Variants in SYNE2 observed in about 807,000 individuals in gnomAD.
SYNE2 encodes spectrin repeat containing nuclear envelope protein 2.
SYNE2 carries 431 observed loss-of-function variants against 856.3 expected under a neutral mutation model. That is an observed-to-expected ratio of 0.50 (90% CI 0.47 to 0.55). The LOEUF (loss-of-function observed/expected upper bound fraction) is 0.55, where lower values mean the gene tolerates loss of function less well. SYNE2 is among the 20% of genes least tolerant of loss of function. The pLI is 0.00. For missense variants in SYNE2, 8,129 were observed against 8,023.2 expected (o/e 1.01, Z -0.50); for synonymous variants, 2,923 against 2,872.3 (o/e 1.02, Z -0.56).
chr14:64,068,138 A>G (rs1229543297), intron 51 of SYNE2, among the ~76,000 whole-genome samples: 1 of 152,156 alleles, frequency 6.6e-6, no homozygotes, highest in Non-Finnish European at 1.5e-5. Flanking sequence ...TTTGGCAACT[A>G]TTTTACTGAT....
At chr14:63,965,345 C>G (rs2096376567) in intron 10 of SYNE2, among the ~76,000 whole-genome samples, 1 of 152,050 alleles carries the variant, frequency 6.6e-6, no homozygotes, top group South Asian at 2.1e-4. Context: ...TGGTATTATC[C>G]CAGTTTTACA....
chr14:64,189,811 ACAG>A (rs1417853434), intron 98 of SYNE2, among the ~76,000 whole-genome samples: 1 of 152,070 alleles, frequency 6.6e-6, no homozygotes, highest in African/African-American at 2.4e-5. Flanking sequence ...AGCTGGGACT[ACAG>A]ACATGTGCCA....
chr14:63,923,876 G>T (rs2095629410), intron 2 of SYNE2, among the ~76,000 whole-genome samples: 1 of 151,522 alleles, frequency 6.6e-6, no homozygotes, highest in African/African-American at 2.4e-5. Context: ...TCAGCTCACT[G>T]CAATCTCTGC....
At chr14:63,977,434 A>G (rs1437162186) in intron 12 of SYNE2, among the ~76,000 whole-genome samples, 3 of 152,002 alleles carry the variant, frequency 2.0e-5, no homozygotes, top group African/African-American at 7.2e-5. Context: ...GGATGGTCTC[A>G]AGCTCCTGAC....
intron 1 of SYNE2, among the ~76,000 whole-genome samples, chr14:63,876,717 A>G (rs932326538): frequency 6.6e-6 from 1 of 152,034 alleles, no homozygotes; most frequent in Non-Finnish European, 1.5e-5. Context: ...CGATCTCCTG[A>G]CCTTGTGATC....
intron 1 of SYNE2, among the ~76,000 whole-genome samples, chr14:63,814,669 C>CATATATATCCATATATATCCAT (rs1366670340): frequency 9.0e-5 from 5 of 55,714 alleles, no homozygotes; most frequent in African/African-American, 1.7e-4. Context: ...TATATATATC[C>CATATATATCCATATATATCCAT]ATATATATCC....
At chr14:64,003,597 T>C (rs560985168) in intron 30 of SYNE2, among the ~76,000 whole-genome samples, 3 of 152,362 alleles carry the variant, frequency 2.0e-5, no homozygotes, top group African/African-American at 4.8e-5. Flanking sequence ...CATAAAGTAC[T>C]GTACATGAGT....
At chr14:63,876,813 G>C (rs2094733682) in intron 1 of SYNE2, among the ~76,000 whole-genome samples, 1 of 152,116 alleles carries the variant, frequency 6.6e-6, no homozygotes, top group South Asian at 2.1e-4. Context: ...TAACTGCATT[G>C]CTAATCGTAT....
chr14:64,119,736 C>T, intron 67 of SYNE2, 127 bp downstream of exon 67: 1 of 895,500 alleles, frequency 1.1e-6, no homozygotes, highest in Non-Finnish European at 1.7e-6. Flanking sequence ...AAGAATTTCA[C>T]ACATTAACAC....
At chr14:64,138,799 TA>T (rs1433221716) in intron 79 of SYNE2, among the ~76,000 whole-genome samples, 3 of 152,142 alleles carry the variant, frequency 2.0e-5, no homozygotes, top group Non-Finnish European at 4.4e-5. Flanking sequence ...TAAGGCAGTT[TA>T]AAAGTTACAA....
intron 1 of SYNE2, among the ~76,000 whole-genome samples, chr14:63,847,585 AT>A (rs1194475873): frequency 0.12 from 16,684 of 137,334 alleles, 713 homozygotes; most frequent in Middle Eastern, 0.2. Context: ...TATGTTCTGT[AT>A]TTTTTTTTTT....
intron 1 of SYNE2, among the ~76,000 whole-genome samples, chr14:63,763,250 G>A (rs1364837008): frequency 6.6e-6 from 1 of 152,224 alleles, no homozygotes; most frequent in African/African-American, 2.4e-5. Context: ...TTATAGGCAT[G>A]AGCCACCACG....
chr14:64,166,891 A>G, intron 90 of SYNE2: 1 of 334,420 alleles, frequency 3.0e-6, no homozygotes, highest in Non-Finnish European at 5.7e-6. Context: ...CGAGATCATG[A>G]TACTGCAGTC....
rs550479329 is a variant in SYNE2, at chr14:64,030,615, T to G, written c.6880-401T>G. On this transcript the variant is annotated intron_variant, in intron 44 of 115. Coordinates refer to ENST00000555002, the MANE Select transcript of SYNE2 (RefSeq NM_182914.3). ...ATCAACACAAAGTTTTGCTCTGAAT[T>G]TTAAATATTAGCATTAGATTCATTG... Among the ~76,000 whole-genome samples the G allele has an allele frequency of 1.4e-4, 21 of 152,372 alleles. No homozygotes were observed. In the South Asian group the frequency reaches 4.1e-3, roughly 30 times the overall value.
chr14:64,039,124 G>A (rs191307874), intron 45 of SYNE2, among the ~76,000 whole-genome samples: 6 of 152,338 alleles, frequency 3.9e-5, no homozygotes, highest in Admixed American at 2.6e-4. Flanking sequence ...TAATGGTGAT[G>A]ATGTATGCTT....
At position 64,091,066 on chromosome 14, in the gene SYNE2, A is replaced by G; in HGVS notation, c.11976+18A>G. ...TATTAAAGGTAAGCAGTTTCTGATG[A>G]CATCCAACTTACTGGATGAAAATGT... On this transcript the variant is annotated intron_variant, in intron 60 of 115. Transcript: ENST00000555002. 2 of 1,611,436 alleles carry G rather than the reference A, an allele frequency of 1.2e-6. No individual in the cohort carries two copies. The highest frequency in any genetic ancestry group is 1.1e-5 in the South Asian group (1 of 90,954).
chr14:64,183,471 A>G (rs986701855), intron 96 of SYNE2, among the ~76,000 whole-genome samples: 9 of 146,458 alleles, frequency 6.1e-5, no homozygotes, highest in African/African-American at 2.3e-4. Context: ...ATCCCAGACG[A>G]TGGGCGGCCA....
rs564739828 is a variant in SYNE2 at position 64,221,321 on chromosome 14, C to G, written c.20062-255C>G. ...GTGTGGCCTTCATATATAAAATCAG[C>G]TGGGCATCCCAAAGCCCTACCTTCA... On this transcript the variant is annotated intron_variant, in intron 111 of 115. Transcript: ENST00000555002. 5.0e-4 allele frequency among the ~76,000 whole-genome samples: 76 copies of G among 152,318 alleles called. No individual in the cohort carries two copies. The Middle Eastern group carries it at 0.01, about 20-fold the overall frequency.
chr14:64,089,031 A>G (rs2097584495), intron 58 of SYNE2, among the ~76,000 whole-genome samples: 2 of 152,178 alleles, frequency 1.3e-5, no homozygotes, highest in Admixed American at 1.3e-4. Context: ...ATATCACTAT[A>G]AACAGCTATT....
Sources: gnomAD v4.1 joint callset for allele counts (sites outside exome capture counted in the v4.1 genomes callset) on GRCh38, gnomAD v4.1.1 for gene constraint, MANE v1.5 for transcripts, NCBI Gene and HGNC (gene_info 2026-07-23, HGNC 2026-07-21) for gene names.